Variants in LPAR1 observed in about 807,000 individuals in gnomAD.
The protein encoded by LPAR1 is LPA receptor 1.
Under a neutral mutation model 23.8 loss-of-function variants are expected in LPAR1, and 5 were observed. The ratio of observed to expected loss-of-function variants is 0.21; its 90% CI spans 0.11 to 0.44. The LOEUF is 0.44. LPAR1 is among the 20% of genes least tolerant of loss of function. The probability of loss-of-function intolerance (pLI) is 0.99; values close to 1 mark genes in which losing one functional copy is unlikely to be tolerated. For synonymous variants in LPAR1, 160 were observed against 164.7 expected, an observed-to-expected ratio of 0.97 and a Z score of 0.22; for missense variants, 311 against 482.8, an observed-to-expected ratio of 0.64 and a Z score of 3.33.
At chr9:110,991,742 G>A (rs930283014) in intron 2 of LPAR1, among the ~76,000 whole-genome samples, 1 of 152,100 alleles carries the variant, frequency 6.6e-6, no homozygotes, top group Non-Finnish European at 1.5e-5. Flanking sequence ...CCAAGTAGCT[G>A]GGATTACAGG....
At chr9:111,003,451 A>G (rs1369939342) in intron 2 of LPAR1, among the ~76,000 whole-genome samples, 4 of 152,194 alleles carry the variant, frequency 2.6e-5, no homozygotes, top group African/African-American at 9.7e-5. Flanking sequence ...CAATGAATGT[A>G]ATTTGCTTAA....
intron 2 of LPAR1, among the ~76,000 whole-genome samples, chr9:110,983,213 T>A (rs2096710237): frequency 6.6e-6 from 1 of 152,074 alleles, no homozygotes; most frequent in Admixed American, 6.6e-5. Context: ...TGTATACCCA[T>A]GTTTGTAGCA....
intron 4 of LPAR1, among the ~76,000 whole-genome samples, chr9:110,969,726 G>T (rs992452162): frequency 3.5e-5 from 5 of 144,304 alleles, no homozygotes; most frequent in Non-Finnish European, 4.8e-5. Context: ...AAAAAAAAAA[G>T]AAATAAATAA....
chr9:110,986,483 T>C (rs1230514704), intron 2 of LPAR1, among the ~76,000 whole-genome samples: 1 of 152,002 alleles, frequency 6.6e-6, no homozygotes, highest in Non-Finnish European at 1.5e-5. Flanking sequence ...GGCCGGAGGA[T>C]TGCTTGAGCC....
intron 5 of LPAR1, among the ~76,000 whole-genome samples, chr9:110,910,472 A>G (rs539762362): frequency 1.3e-5 from 2 of 152,308 alleles, no homozygotes; most frequent in South Asian, 4.1e-4. Flanking sequence ...ATGTACAGGG[A>G]TATTAATGTT....
chr9:110,978,919 T>C (rs1281658155), intron 2 of LPAR1, among the ~76,000 whole-genome samples: 2 of 151,926 alleles, frequency 1.3e-5, no homozygotes, highest in African/African-American at 4.8e-5. Flanking sequence ...GCTGGGGTGG[T>C]TGTGGGGAGA....
chr9:110,941,876 G>A lies in LPAR1; in HGVS notation c.338C>T (p.Thr113Ile). 1 of 1,614,230 alleles carries A rather than the reference G, an allele frequency of 6.2e-7. No individual in the cohort carries two copies. The highest frequency in any genetic ancestry group is 8.5e-7 in the Non-Finnish European group (1 of 1,180,030). ...FYLMFNTGPNTRRLTVSTWLL... is the reference protein window; with the variant it reads ...FYLMFNTGPNIRRLTVSTWLL... ...CCATGTGCTAACAGTCAGTCTCCGAGTATTGGGTCCTGTGTTGAACATGAG... is the reference window on the plus strand; with the variant it reads ...CCATGTGCTAACAGTCAGTCTCCGAATATTGGGTCCTGTGTTGAACATGAG... The change falls in exon 5 of 6, where the codon ACT (threonine) becomes ATT (isoleucine). Residue 113 changes from threonine (T) to isoleucine (I), a missense_variant. By Grantham distance (89) the Thr-to-Ile change is moderately conservative (BLOSUM62 -1). This residue lies in a region of LPAR1 where 250 missense variants were observed against 427.2 expected (regional missense o/e 0.59). Transcript: ENST00000683809. The surrounding 1 kb of genome is among the most constrained non-coding windows in gnomAD (Gnocchi z 6.1).
chr9:110,919,545 A>G (rs2093463973), intron 5 of LPAR1, among the ~76,000 whole-genome samples: 2 of 152,212 alleles, frequency 1.3e-5, no homozygotes, highest in African/African-American at 4.8e-5. Flanking sequence ...GAAAATGAAT[A>G]CAACACCTAA....
At chr9:110,884,056 T>C (rs2081643123) in intron 5 of LPAR1, among the ~76,000 whole-genome samples, 2 of 152,176 alleles carry the variant, frequency 1.3e-5, no homozygotes, top group Admixed American at 1.3e-4. Context: ...TAGTATTTAG[T>C]CTTGCAGGTG....
intron 5 of LPAR1, among the ~76,000 whole-genome samples, chr9:110,938,003 A>G (rs2094837860): frequency 6.6e-6 from 1 of 152,198 alleles, no homozygotes; most frequent in Non-Finnish European, 1.5e-5. Context: ...AGTGGCATTT[A>G]CTGTAGTGAA....
chr9:110,931,457 A>G (rs141543088), intron 5 of LPAR1, among the ~76,000 whole-genome samples: 201 of 152,346 alleles, frequency 1.3e-3, no homozygotes, highest in African/African-American at 4.7e-3. Flanking sequence ...CTGACAAAAT[A>G]AACTATTATT....
chr9:110,945,474 T>G (rs1185232495), intron 4 of LPAR1: 1 of 152,230 alleles, frequency 6.6e-6, no homozygotes, highest in Non-Finnish European at 1.5e-5. Context: ...GGGACATCTC[T>G]GATTTGTGTC....
At chr9:110,894,580 G>A (rs2085641973) in intron 5 of LPAR1, among the ~76,000 whole-genome samples, 1 of 152,182 alleles carries the variant, frequency 6.6e-6, no homozygotes. Flanking sequence ...AGCAAAGTGG[G>A]AAGCTGTATT....
In LPAR1 at chr9:110,879,020, A is replaced by AG. The variant is rs577756622; in HGVS notation, c.794-3299dup. On this transcript the variant is annotated intron_variant, in intron 5 of 5. Transcript: ENST00000683809. ...TGGGGAATGAAATATAGTACTCAGT[A>AG]GTCATAGTGCTTTGAGTAGTTTGTA... Among the ~76,000 whole-genome samples, 31 of 152,326 alleles carry AG rather than the reference A, an allele frequency of 2.0e-4. No homozygotes were observed. In the East Asian group the frequency reaches 5.8e-3, roughly 28 times the overall value.
chr9:110,978,598 C>T (rs1298294018), intron 2 of LPAR1, among the ~76,000 whole-genome samples: 2 of 152,072 alleles, frequency 1.3e-5, no homozygotes, highest in Non-Finnish European at 2.9e-5. Context: ...AGAAGAAATT[C>T]CTGAAGCCCA....
chr9:110,989,366 C>G (rs1294742582), intron 2 of LPAR1, among the ~76,000 whole-genome samples: 2 of 152,144 alleles, frequency 1.3e-5, no homozygotes, highest in African/African-American at 4.8e-5. Context: ...ATATCAAAAA[C>G]TATTGAATTT....
At chr9:110,989,711 G>A (rs1206875770) in intron 2 of LPAR1, among the ~76,000 whole-genome samples, 1 of 152,026 alleles carries the variant, frequency 6.6e-6, no homozygotes, top group East Asian at 1.9e-4. Flanking sequence ...ACAAAAGCAA[G>A]ATGATAGATT....
rs563873823 is a variant in LPAR1, at chr9:110,972,419, A to G, written c.-103-199T>C. ...TATCTGTCCAAATACTCTTAAGTTG[A>G]GGAATTTTCATAGGTTTGAATCCAA... On this transcript the variant is annotated intron_variant, in intron 3 of 5. Coordinates refer to ENST00000683809, the MANE Select transcript of LPAR1 (RefSeq NM_001351411.2). 2.4e-4 allele frequency among the ~76,000 whole-genome samples: 37 copies of G among 152,312 alleles called. No individual in the cohort carries two copies. The South Asian group carries it at 7.7e-3, about 32-fold the overall frequency.
At chr9:111,035,031 A>G (rs2097865415) in intron 2 of LPAR1, among the ~76,000 whole-genome samples, 1 of 152,224 alleles carries the variant, frequency 6.6e-6, no homozygotes, top group South Asian at 2.1e-4. Flanking sequence ...ACCCAGTTAC[A>G]CAACACTGCA....
Sources: gnomAD v4.1 joint callset for allele counts (sites outside exome capture counted in the v4.1 genomes callset) on GRCh38, gnomAD v4.1.1 for gene constraint, gnomAD v4.1.1 regional missense constraint, Gnocchi (gnomAD v3.1) non-coding constraint, MANE v1.5 for transcripts, NCBI Gene and HGNC (gene_info 2026-07-23, HGNC 2026-07-21) for gene names.